ABCA2: variants seen among roughly 807,000 people sequenced by gnomAD.
ABCA2 encodes the protein ATP binding cassette subfamily A member 2, also known as ATP-binding cassette sub-family A member 2.
In ABCA2, 84 loss-of-function variants were observed where a neutral mutation model predicts 262.8. That is an observed-to-expected ratio of 0.32 (90% CI 0.27 to 0.38). The LOEUF (loss-of-function observed/expected upper bound fraction) is 0.38. Among genes scored for constraint, ABCA2 ranks in the 10% least tolerant of loss-of-function variants. ABCA2 has a pLI of 1.00. For synonymous variants in ABCA2, 1,696 were observed against 1,502.9 expected, an observed-to-expected ratio of 1.13 and a Z score of -2.97; for missense variants, 2,662 against 3,405.9, an observed-to-expected ratio of 0.78 and a Z score of 5.44.
At position 137,023,988 on chromosome 9, in the gene ABCA2, G is replaced by A. The variant is rs535685841; in HGVS notation, c.161-148C>T. ...GGCCAGCCCCGACCTCCACAGCCCA[G>A]CCAGGAGGCACGGCCCAGGACCACA... On this transcript the variant is annotated intron_variant, in intron 2 of 48. Transcript: ENST00000341511. The A allele has an allele frequency of 3.9e-4, 600 of 1,534,422 alleles. 5 individuals carry two copies. The African/African-American group carries it at 7.7e-3, about 20-fold the overall frequency.
In ABCA2 at chr9:137,014,519, C is replaced by T. The variant is rs1831183822; in HGVS notation, c.4004-115G>A. ...CCAGGCTCATACACCTGTCCGGGAC[C>T]TCTGGCCACCAGGACCACCCACCTA... On this transcript the variant is annotated intron_variant, in intron 26 of 48. Coordinates refer to ENST00000341511, the MANE Select transcript of ABCA2 (RefSeq NM_001606.5). 3.5e-6 allele frequency: 5 copies of T among 1,443,236 alleles called. No homozygotes were observed. The South Asian group carries it at 5.4e-5, about 16-fold the overall frequency. 89.4% of individuals were successfully genotyped at this position (1,443,236 alleles called of 1,614,324 possible).
Position 137,013,334 on chromosome 9 carries a change from G to A in ABCA2, c.4551-16C>T. ...TAGCCGCAGCCTGCGGGCACCGACA[G>A]TGTGAGGTGGGGCTGCCAGTCTCCG... On this transcript the variant is annotated splice_polypyrimidine_tract_variant and intron_variant, in intron 29 of 48. Transcript: ENST00000341511. 1.3e-6 allele frequency: 2 copies of A among 1,537,366 alleles called. No homozygotes were observed. Among genetic ancestry groups the A allele is most frequent in the Non-Finnish European group, 1.7e-6 (2 of 1,148,158 alleles).
At chr9:137,028,240 G>A (rs988219599), upstream of ABCA2, 8 of 978,826 alleles carry the variant, frequency 8.2e-6, no homozygotes, top group African/African-American at 1.4e-4. This position sits in a 1 kb window ranked among gnomAD's most constrained non-coding sequence, Gnocchi z 6.9. Flanking sequence ...GCCCGCGCGG[G>A]GGCGGGGCGC....
At position 137,016,048 on chromosome 9, in the gene ABCA2, A is replaced by C; in HGVS notation, c.3231T>G (p.Phe1077Leu). 6.2e-7 allele frequency: 1 copy of C among 1,612,474 alleles called. No homozygotes were observed. Among genetic ancestry groups the C allele is most frequent in the Non-Finnish European group, 8.5e-7 (1 of 1,179,906 alleles). ...LGMCPQHNVL[F>L]DRLTVEEHLW... ...GGTGTTCCTCCACCGTGAGCCGGTC[A>C]AAGAGCACATTGTGCTGCGGGCACA... The change falls in exon 22 of 49, where the codon TTT becomes TTG. Residue 1077 changes from phenylalanine (F) to leucine (L), a missense_variant. By Grantham distance (22) the Phe-to-Leu change is conservative (BLOSUM62 0). This residue lies in a region of ABCA2 where 180 missense variants were observed against 307.3 expected (regional missense o/e 0.59). Transcript: ENST00000341511.
Position 137,021,007 on chromosome 9 carries a change from G to C in ABCA2, c.952C>G (p.Arg318Gly), listed in dbSNP as rs540810773. Reference protein sequence around the residue: ...SDSSPQAPPPRRLQALLGDLL... With the variant: ...SDSSPQAPPPGRLQALLGDLL... ...TCCCCCAGAAGCGCCTGCAGCCTCC[G>C]TGGGGGTGGCGCCTGTGGCGAGGAG... Residue 318 changes from arginine to glycine, a missense_variant, in exon 9 of 49, where the codon CGG becomes GGG. Coordinates refer to ENST00000341511, the MANE Select transcript of ABCA2 (RefSeq NM_001606.5). This position sits in a 1 kb window ranked among gnomAD's most constrained non-coding sequence, Gnocchi z 6.0. 3 of 1,496,378 alleles carry C rather than the reference G, an allele frequency of 2.0e-6. No individual in the cohort carries two copies. The highest frequency in any genetic ancestry group is 2.7e-6 in the Non-Finnish European group (3 of 1,122,290). The allele number at this position is 1,496,378 out of a possible 1,614,324, so 92.7% of individuals were successfully genotyped here.
intron 1 of ABCA2, among the ~76,000 whole-genome samples, chr9:137,024,490 C>A (rs909947397): frequency 6.6e-6 from 1 of 152,220 alleles, no homozygotes; most frequent in Admixed American, 6.5e-5. Flanking sequence ...TGAGGAGCCT[C>A]AGGGCCTACA....
intron 29 of ABCA2, 59 bp downstream of exon 29, chr9:137,013,402 G>T (rs13296885): frequency 2.6e-6 from 4 of 1,545,778 alleles, no homozygotes; most frequent in Non-Finnish European, 3.5e-6. Flanking sequence ...GCCCACCAAG[G>T]CTGTCCCCGC....
chr9:137,015,902 T>A, intron 22 of ABCA2, 31 bp from the exon 23 acceptor site: 1 of 1,607,442 alleles, frequency 6.2e-7, no homozygotes, highest in Non-Finnish European at 8.5e-7. Context: ...ATGGGGCTGC[T>A]GCTATGCAGA....
rs1192460068 is a variant in ABCA2, at chr9:137,017,829, G to A, written c.2169C>T (p.Thr723=). 4 of 1,612,594 alleles carry A rather than the reference G, an allele frequency of 2.5e-6. No individual in the cohort carries two copies. Among genetic ancestry groups the A allele is most frequent in the Non-Finnish European group, 3.4e-6 (4 of 1,179,846 alleles). ...CCTTCTCCGCCACGATGTGCTGGAT[G>A]GTCATGGCCACGGAGTAGACCCAGG... ...VISWVYSVAM[T]IQHIVAEKEH... The change falls in exon 16 of 49, where the codon ACC becomes ACT. Residue 723 remains threonine, a synonymous_variant. Coordinates refer to ENST00000341511, the MANE Select transcript of ABCA2 (RefSeq NM_001606.5).
In ABCA2 at chr9:137,013,244, G is replaced by A. The variant is rs771256197; in HGVS notation, c.4625C>T (p.Thr1542Ile). Residue 1542 changes from threonine (T) to isoleucine (I), a missense_variant, in exon 30 of 49, where the codon ACC becomes ATC. This residue lies in a region of ABCA2 where 192 missense variants were observed against 207.2 expected (regional missense o/e 0.93). Transcript: ENST00000341511. ...GTTGGCGGGAGACTTGAGCACGCAGGTGGCACCCACCCCCGACGGCAGCCG... is the reference window on the plus strand; with the variant it reads ...GTTGGCGGGAGACTTGAGCACGCAGATGGCACCCACCCCCGACGGCAGCCG... ...TFRLPSGVGA[T>I]CVLKSPANGS... 1.3e-6 allele frequency: 2 copies of A among 1,599,232 alleles called. No individual in the cohort carries two copies. The highest frequency in any genetic ancestry group is 2.2e-5 in the South Asian group (2 of 90,008).
rs779361387 is a variant in ABCA2, at chr9:137,008,042, G to T, written c.7276-78C>A. The T allele has an allele frequency of 2.6e-6, 4 of 1,531,634 alleles. No individual in the cohort carries two copies. The Admixed American group carries it at 5.5e-5, about 21-fold the overall frequency. 94.9% of individuals were successfully genotyped at this position (1,531,634 alleles called of 1,614,324 possible). The stretch of plus-strand genomic sequence containing the variant: ...GGGCTGAGGACACTTGTGCTGGCCC[G>T]CCCCGGCCCTCCTGCAGGCTGGGCC... On this transcript the variant is annotated intron_variant, in intron 48 of 48. Coordinates refer to ENST00000341511, the MANE Select transcript of ABCA2 (RefSeq NM_001606.5).
chr9:137,028,674 G>T (rs1008177170), upstream of ABCA2: 6 of 1,186,336 alleles, frequency 5.1e-6, no homozygotes, highest in Non-Finnish European at 6.4e-6. This position sits in a 1 kb window ranked among gnomAD's most constrained non-coding sequence, Gnocchi z 6.9. Flanking sequence ...AGGGTCTCCT[G>T]TGTGCTTTGT....
Position 137,012,256 on chromosome 9 carries a change from T to G in ABCA2, c.5299+9A>C. The G allele has an allele frequency of 6.8e-7, 1 of 1,462,028 alleles. No individual in the cohort carries two copies. The highest frequency in any genetic ancestry group is 1.1e-5 in the South Asian group (1 of 87,886). The allele number at this position is 1,462,028 out of a possible 1,614,324, so 90.6% of individuals were successfully genotyped here. ...CCCGCCCCGCCCCGCCCTGCCTATG[T>G]CAGCTCACCGTAAGCCGCCGGGTTG... is the stretch of plus-strand genomic sequence containing the variant. On this transcript the variant is annotated intron_variant, in intron 33 of 48. Coordinates refer to ENST00000341511, the MANE Select transcript of ABCA2 (RefSeq NM_001606.5).
chr9:137,018,862 C>T (rs1293687553), intron 12 of ABCA2, 41 bp downstream of exon 12: 1 of 1,612,164 alleles, frequency 6.2e-7, no homozygotes, highest in South Asian at 1.1e-5. Context: ...ATGTGCGAGG[C>T]AGGGGGTGTC....
intron 5 of ABCA2, 81 bp downstream of exon 5, chr9:137,022,621 A>G: frequency 1.9e-6 from 3 of 1,563,676 alleles, no homozygotes; most frequent in South Asian, 1.2e-5. Flanking sequence ...GGAGGGGCCC[A>G]GAGTGGATGT....
chr9:137,010,915 A>ACCCCCGCCCCTACCCTGCCCCC, intron 39 of ABCA2, 58 bp downstream of exon 39: 2 of 198,202 alleles, frequency 1.0e-5, no homozygotes, highest in Non-Finnish European at 1.8e-5. Flanking sequence ...ACCCTGCCCC[A>ACCCCCGCCCCTACCCTGCCCCC]CCCCCGAACC....
chr9:137,013,588 G>A lies in ABCA2; in HGVS notation c.4448-25C>T, dbSNP rs549915571. On this transcript the variant is annotated intron_variant, in intron 28 of 48. Coordinates refer to ENST00000341511, the MANE Select transcript of ABCA2 (RefSeq NM_001606.5). Reference sequence around the variant, plus strand: ...CCTGGCAGGGCGAGCAGGGAGGCCTGAGCAGGTTCTGCCCTCTGGCCAGCG... The same window carrying A: ...CCTGGCAGGGCGAGCAGGGAGGCCTAAGCAGGTTCTGCCCTCTGGCCAGCG... 2.1e-5 allele frequency: 33 copies of A among 1,589,472 alleles called. No individual in the cohort carries two copies. In the East Asian group the frequency reaches 7.0e-4, roughly 34 times the overall value.
chr9:137,028,354 G>T, upstream of ABCA2: 1 of 836,722 alleles, frequency 1.2e-6, no homozygotes, highest in Non-Finnish European at 1.4e-6. This position sits in a 1 kb window ranked among gnomAD's most constrained non-coding sequence, Gnocchi z 6.9. Flanking sequence ...GCCGCGCTCC[G>T]TCCGCGCCCG....
At chr9:137,023,710 TC>T (rs1831556881) in intron 3 of ABCA2, 127 bp downstream of exon 3, 1 of 701,536 alleles carries the variant, frequency 1.4e-6, no homozygotes, top group Admixed American at 2.0e-5. Flanking sequence ...AGCCAGCTGT[TC>T]CTGAGGCCGG....
Sources: allele counts gnomAD v4.1 joint callset (sites outside exome capture counted in the v4.1 genomes callset), GRCh38; gene constraint gnomAD v4.1.1; regional missense constraint gnomAD v4.1.1; non-coding constraint Gnocchi (gnomAD v3.1); transcripts MANE v1.5; gene names NCBI Gene and HGNC (gene_info 2026-07-23, HGNC 2026-07-21).